MYO3A: variants seen among roughly 807,000 people sequenced by gnomAD.
MYO3A encodes myosin IIIA.
Under a neutral mutation model 192.7 loss-of-function variants are expected in MYO3A, and 180 were observed. The observed-to-expected ratio is 0.93, with a 90% CI of 0.83 to 1.06. The LOEUF (loss-of-function observed/expected upper bound fraction) is 1.06, where lower values mean the gene tolerates loss of function less well. Among genes scored for constraint, MYO3A ranks in the 50% least tolerant of loss-of-function variants. The pLI, the probability that MYO3A is intolerant of heterozygous loss-of-function variation, is 0.00. For missense variants in MYO3A, 1,896 were observed against 1,905.0 expected, an observed-to-expected ratio of 1.00 and a Z score of 0.09; for synonymous variants, 628 against 645.3, an observed-to-expected ratio of 0.97 and a Z score of 0.41.
intron 4 of MYO3A, among the ~76,000 whole-genome samples, chr10:25,974,146 G>T (rs990046310): frequency 6.6e-6 from 1 of 152,052 alleles, no homozygotes; most frequent in Non-Finnish European, 1.5e-5. Flanking sequence ...TCATCAGAGC[G>T]AACAGGCAGC....
intron 32 of MYO3A, among the ~76,000 whole-genome samples, chr10:26,196,559 AG>A (rs923962075): frequency 4.6e-5 from 7 of 152,352 alleles, no homozygotes; most frequent in Non-Finnish European, 1.5e-5. Context: ...TTACAAGTGA[AG>A]ATATACCACG....
At chr10:26,115,580 GA>G (rs1207394080) in intron 17 of MYO3A, among the ~76,000 whole-genome samples, 1 of 151,900 alleles carries the variant, frequency 6.6e-6, no homozygotes, top group Non-Finnish European at 1.5e-5. Flanking sequence ...TATAAGAATA[GA>G]AAAAAATCTT....
At chr10:25,990,859 T>G (rs1029379948) in intron 4 of MYO3A, among the ~76,000 whole-genome samples, 1 of 152,044 alleles carries the variant, frequency 6.6e-6, no homozygotes. Flanking sequence ...TTTTTATGGC[T>G]GCATAGTATT....
chr10:26,165,236 C>T (rs1564613167), intron 26 of MYO3A, among the ~76,000 whole-genome samples: 2 of 152,180 alleles, frequency 1.3e-5, no homozygotes, highest in South Asian at 4.1e-4. Context: ...TGTCACCGTG[C>T]CACCTCAGCC....
At chr10:26,152,194 T>A (rs1840833139) in intron 23 of MYO3A, among the ~76,000 whole-genome samples, 1 of 152,170 alleles carries the variant, frequency 6.6e-6, no homozygotes, top group Admixed American at 6.5e-5. Context: ...ACTCAGAACC[T>A]CAGAGATAGC....
intron 12 of MYO3A, 44 bp from the exon 13 acceptor site, chr10:26,070,067 T>TA: frequency 7.0e-7 from 1 of 1,427,182 alleles, no homozygotes; most frequent in East Asian, 2.3e-5. Flanking sequence ...AGGACTTAAA[T>TA]AAAAACAAAA....
intron 10 of MYO3A, among the ~76,000 whole-genome samples, chr10:26,049,106 A>T (rs1843809170): frequency 6.6e-6 from 1 of 152,206 alleles, no homozygotes; most frequent in African/African-American, 2.4e-5. Context: ...TGTAACATTG[A>T]ATTTGGCCCC....
chr10:25,991,949 T>A (rs1840061145), intron 4 of MYO3A, among the ~76,000 whole-genome samples: 1 of 152,156 alleles, frequency 6.6e-6, no homozygotes, highest in Admixed American at 6.6e-5. Context: ...AGGTAGCGTG[T>A]TGCCTCCAGC....
chr10:25,983,135 C>A (rs1351370014), intron 4 of MYO3A, among the ~76,000 whole-genome samples: 2 of 151,856 alleles, frequency 1.3e-5, no homozygotes, highest in Non-Finnish European at 2.9e-5. Flanking sequence ...AAATCAAGGA[C>A]ACAATTAGAG....
chr10:26,157,234 A>G (rs1052419943), intron 25 of MYO3A, 76 bp from the exon 26 acceptor site: 1 of 1,272,960 alleles, frequency 7.9e-7, no homozygotes, highest in Middle Eastern at 1.9e-4. Context: ...TTATTCTTGT[A>G]GTAAAAAGAA....
intron 2 of MYO3A, among the ~76,000 whole-genome samples, chr10:25,940,800 C>A (rs1390176234): frequency 6.6e-6 from 1 of 152,112 alleles, no homozygotes; most frequent in Non-Finnish European, 1.5e-5. Context: ...CAATTATTTT[C>A]CTCTGTATGT....
chr10:25,993,491 GT>G (rs879855138), intron 4 of MYO3A, among the ~76,000 whole-genome samples: 2 of 152,160 alleles, frequency 1.3e-5, no homozygotes, highest in Admixed American at 6.5e-5. Context: ...TTTTTGAAGG[GT>G]TTTTTGTGTC....
chr10:26,157,516 G>T lies in MYO3A; in HGVS notation c.2999+1G>T, dbSNP rs1841213782. ...TACTTTTTGCTAACTTTATAAAGCG[G>T]TATGTGGATTTCTTTTTCAGTTTCT... On this transcript the variant is annotated splice_donor_variant, in intron 26 of 34. Coordinates refer to ENST00000642920, the MANE Select transcript of MYO3A (RefSeq NM_017433.5). LOFTEE classifies it high-confidence loss of function. 1 of 1,612,400 alleles carries T rather than the reference G, an allele frequency of 6.2e-7. No homozygotes were observed.
chr10:26,100,462 G>C lies in MYO3A; in HGVS notation c.1776+3780G>C, dbSNP rs1279129421. ...CTTCTGCTAGCTTTTGAATGTGTTT[G>C]CTCTTGCTTCTCTAGTTCTTTTAAT... On this transcript the variant is annotated intron_variant, in intron 17 of 34. Transcript: ENST00000642920. Among the ~76,000 whole-genome samples the C allele has an allele frequency of 2.0e-5, 3 of 152,184 alleles. No individual in the cohort carries two copies. In the South Asian group the frequency reaches 6.2e-4, roughly 32 times the overall value.
intron 17 of MYO3A, among the ~76,000 whole-genome samples, chr10:26,118,715 T>C (rs1487852450): frequency 1.3e-5 from 2 of 151,792 alleles, no homozygotes; most frequent in Non-Finnish European, 2.9e-5. Context: ...CACTGAAGCC[T>C]CCGCCTCCTG....
chr10:26,067,113 T>C (rs747196955), intron 11 of MYO3A, 39 bp downstream of exon 11: 2 of 1,326,042 alleles, frequency 1.5e-6, no homozygotes, highest in South Asian at 2.3e-5. Flanking sequence ...ACATTCCAGA[T>C]GTTTTGTTAA....
At chr10:26,186,328 G>A (rs983725676) in intron 31 of MYO3A, among the ~76,000 whole-genome samples, 1 of 144,010 alleles carries the variant, frequency 6.9e-6, no homozygotes, top group Non-Finnish European at 1.5e-5. Context: ...GTGCATTGAC[G>A]TGATCTCAGC....
intron 23 of MYO3A, among the ~76,000 whole-genome samples, chr10:26,147,826 A>G (rs945191997): frequency 4.6e-5 from 7 of 152,184 alleles, no homozygotes; most frequent in Admixed American, 1.3e-4. Flanking sequence ...ACAAGAGTAT[A>G]CTGACCTCCA....
intron 10 of MYO3A, among the ~76,000 whole-genome samples, chr10:26,037,454 T>C (rs1403249416): frequency 2.0e-5 from 3 of 152,192 alleles, no homozygotes; most frequent in Admixed American, 1.3e-4. Flanking sequence ...TTTTTTGAGA[T>C]AAAGGTTTTG....
Sources: allele counts gnomAD v4.1 joint callset (sites outside exome capture counted in the v4.1 genomes callset), GRCh38; gene constraint gnomAD v4.1.1; transcripts MANE v1.5; gene names NCBI Gene and HGNC (gene_info 2026-07-23, HGNC 2026-07-21).